NCKAP1L: variants seen among roughly 807,000 people sequenced by gnomAD.
The protein encoded by NCKAP1L is NCK associated protein 1 like.
Under a neutral mutation model 139.2 loss-of-function variants are expected in NCKAP1L, and 53 were observed. That is an observed-to-expected ratio of 0.38 (90% CI 0.31 to 0.48). The LOEUF is 0.48. Among genes scored for constraint, NCKAP1L ranks in the 20% least tolerant of loss-of-function variants. The probability of loss-of-function intolerance (pLI) is 0.98; values close to 1 mark genes in which losing one functional copy is unlikely to be tolerated. For missense variants in NCKAP1L, 1,151 were observed against 1,381.9 expected, an observed-to-expected ratio of 0.83 and a Z score of 2.65; for synonymous variants, 468 against 499.7, an observed-to-expected ratio of 0.94 and a Z score of 0.85.
At chr12:54,506,680 A>G (rs1592337605) in intron 3 of NCKAP1L, among the ~76,000 whole-genome samples, 1 of 147,396 alleles carries the variant, frequency 6.8e-6, no homozygotes, top group Admixed American at 6.8e-5. Context: ...TGAACCTCCC[A>G]CCTCAGCCTT....
rs1956974125 is a variant in NCKAP1L at position 54,520,612 on chromosome 12, T to C, written c.1626-82T>C. 6.1e-6 allele frequency: 9 copies of C among 1,465,302 alleles called. No individual in the cohort carries two copies. The African/African-American group carries it at 1.1e-4, about 18-fold the overall frequency. 90.8% of individuals were successfully genotyped at this position (1,465,302 alleles called of 1,614,324 possible). On this transcript the variant is annotated intron_variant, in intron 16 of 30. Coordinates refer to ENST00000293373, the MANE Select transcript of NCKAP1L (RefSeq NM_005337.5). ...CAAAGGGACTAGCTCTTAAACTCTA[T>C]TTTTCTTTTCCTTTATTTTTCACTC...
At chr12:54,513,981 T>TGTGTGA (rs1420786822) in intron 9 of NCKAP1L, among the ~76,000 whole-genome samples, 2 of 151,778 alleles carry the variant, frequency 1.3e-5, no homozygotes, top group Non-Finnish European at 2.9e-5. Flanking sequence ...TGTGTGTGTG[T>TGTGTGA]GTGTGTGTGT....
rs1483005604 is a variant in NCKAP1L, at chr12:54,517,816, G to C, written c.1216G>C (p.Glu406Gln). Reference protein sequence around the residue: ...PEDYADSSIAELLFLLEGIRS... With the variant: ...PEDYADSSIAQLLFLLEGIRS... ...TCCTAAACTTTATAGGAGCATTGCA[G>C]AGCTACTTTTCTTGTTGGAGGGGAT... is the stretch of plus-strand genomic sequence containing the variant. Residue 406 changes from glutamate to glutamine, a missense_variant, in exon 13 of 31, where the codon GAG (glutamate) becomes CAG (glutamine). Physicochemically the swap from Glu to Gln is conservative, Grantham distance 29. Coordinates refer to ENST00000293373, the MANE Select transcript of NCKAP1L (RefSeq NM_005337.5). The C allele has an allele frequency of 6.2e-7, 1 of 1,614,140 alleles. No individual in the cohort carries two copies. The highest frequency in any genetic ancestry group is 8.5e-7 in the Non-Finnish European group (1 of 1,180,024).
At chr12:54,522,711 GA>G (rs1956993917) in intron 18 of NCKAP1L, among the ~76,000 whole-genome samples, 1 of 152,190 alleles carries the variant, frequency 6.6e-6, no homozygotes, top group African/African-American at 2.4e-5. Context: ...CTCTCAGAGT[GA>G]TTTCAACTGA....
At chr12:54,535,575 C>G (rs1957108366) in intron 27 of NCKAP1L, among the ~76,000 whole-genome samples, 1 of 152,206 alleles carries the variant, frequency 6.6e-6, no homozygotes, top group Non-Finnish European at 1.5e-5. Flanking sequence ...GGTATAGCAC[C>G]CAAACTCCCC....
intron 3 of NCKAP1L, among the ~76,000 whole-genome samples, 171 bp from the exon 4 acceptor site, chr12:54,507,682 C>G (rs1956853899): frequency 6.6e-6 from 1 of 152,170 alleles, no homozygotes; most frequent in Non-Finnish European, 1.5e-5. Context: ...TAGGGGCCCA[C>G]TGGTGGCTTA....
At position 54,508,337 on chromosome 12, in the gene NCKAP1L, T is replaced by C. The variant is rs1033295316; in HGVS notation, c.364-52T>C. The C allele has an allele frequency of 1.7e-5, 27 of 1,592,726 alleles. No individual in the cohort carries two copies. In the African/African-American group the frequency reaches 3.5e-4, roughly 21 times the overall value. ...CAGAGTGGTTGGGGAAAGAAGGAGA[T>C]CCAGGTTAATTGGCCATGCTGTCCT... On this transcript the variant is annotated intron_variant, in intron 4 of 30. Coordinates refer to ENST00000293373, the MANE Select transcript of NCKAP1L (RefSeq NM_005337.5).
chr12:54,521,201 T>G lies in NCKAP1L; in HGVS notation c.1841T>G (p.Leu614Arg), dbSNP rs1221146309. 1.1e-5 allele frequency: 18 copies of G among 1,614,128 alleles called. No homozygotes were observed. The highest frequency in any genetic ancestry group is 1.3e-5 in the Non-Finnish European group (15 of 1,180,006). ...GCCAAGCAGACCAGCAATTGCGTCC[T>G]GGAGATCTGTGCTGAGCAGCGAAAC... ...ELAKQTSNCV[L>R]EICAEQRNLS... Residue 614 changes from leucine (L) to arginine (R), a missense_variant, in exon 18 of 31, where the codon CTG becomes CGG. Leu to Arg is a moderately radical substitution (Grantham distance 102, BLOSUM62 -2). Transcript: ENST00000293373.
chr12:54,497,968 C>G, intron 1 of NCKAP1L, 77 bp downstream of exon 1: 3 of 852,128 alleles, frequency 3.5e-6, no homozygotes, highest in Non-Finnish European at 6.0e-6. Flanking sequence ...GCAGGTGCAG[C>G]AGTTAGACTC....
chr12:54,512,772 G>A (rs1279142446), intron 9 of NCKAP1L, among the ~76,000 whole-genome samples: 2 of 150,768 alleles, frequency 1.3e-5, no homozygotes, highest in African/African-American at 4.9e-5. Context: ...GTATGTGTGT[G>A]TGTGTGTGTG....
intron 22 of NCKAP1L, among the ~76,000 whole-genome samples, chr12:54,529,035 TG>T (rs1957047806): frequency 6.6e-6 from 1 of 152,242 alleles, no homozygotes; most frequent in Non-Finnish European, 1.5e-5. Context: ...ACATTTATTG[TG>T]GGCTAAGTTC....
rs2120970828 is a variant in NCKAP1L at position 54,536,199 on chromosome 12, A to G, written c.3027A>G (p.Pro1009=). 1 of 1,612,944 alleles carries G rather than the reference A, an allele frequency of 6.2e-7. No homozygotes were observed. Among genetic ancestry groups the G allele is most frequent in the Non-Finnish European group, 8.5e-7 (1 of 1,179,632 alleles). ...LLLIFLAVSL[P]LLATDPSSFY... ...TGATCTTTCTGGCAGTTTCCCTCCC[A>G]CTCCTTGCCACTGACCCTTCTTCCT... Residue 1009 remains proline, a synonymous_variant, in exon 28 of 31, where the codon CCA becomes CCG. Coordinates refer to ENST00000293373, the MANE Select transcript of NCKAP1L (RefSeq NM_005337.5).
intron 3 of NCKAP1L, among the ~76,000 whole-genome samples, chr12:54,504,155 G>A (rs999094037): frequency 6.6e-5 from 10 of 151,992 alleles, no homozygotes; most frequent in South Asian, 2.1e-4. Flanking sequence ...TAAACTTGTC[G>A]GTATTTTCTA....
Position 54,508,640 on chromosome 12 carries a change from A to G in NCKAP1L, c.506+109A>G, listed in dbSNP as rs1173382505. ...GCCATGATTTCTTATATGAGAACCTATAATCTACATTGACCCAGGCAAAAT... is the reference window on the plus strand; with the variant it reads ...GCCATGATTTCTTATATGAGAACCTGTAATCTACATTGACCCAGGCAAAAT... On this transcript the variant is annotated intron_variant, in intron 5 of 30. Coordinates refer to ENST00000293373, the MANE Select transcript of NCKAP1L (RefSeq NM_005337.5). The G allele has an allele frequency of 6.1e-6, 7 of 1,150,790 alleles. No individual in the cohort carries two copies. The East Asian group carries it at 9.5e-5, about 16-fold the overall frequency. 71.3% of individuals were successfully genotyped at this position (1,150,790 alleles called of 1,614,324 possible). A position where few individuals can be genotyped will look rare whatever the true frequency, so the allele number is the denominator to read the frequency against.
chr12:54,510,776 C>A (rs1326293052), intron 7 of NCKAP1L, among the ~76,000 whole-genome samples: 2 of 151,760 alleles, frequency 1.3e-5, no homozygotes, highest in African/African-American at 4.8e-5. Context: ...TGTGCCTTGG[C>A]CTCCCAAAGT....
At chr12:54,538,029 TC>T (rs1957126353) in intron 29 of NCKAP1L, among the ~76,000 whole-genome samples, 1 of 152,150 alleles carries the variant, frequency 6.6e-6, no homozygotes, top group Non-Finnish European at 1.5e-5. Flanking sequence ...CATGGTCCAT[TC>T]CCCTCTGCCT....
At chr12:54,503,997 T>C (rs1956822607) in intron 3 of NCKAP1L, among the ~76,000 whole-genome samples, 1 of 152,156 alleles carries the variant, frequency 6.6e-6, no homozygotes, top group African/African-American at 2.4e-5. Flanking sequence ...TGTTGTTTAA[T>C]GTAAAAGCAA....
At position 54,520,781 on chromosome 12, in the gene NCKAP1L, T is replaced by C. The variant is rs756397860; in HGVS notation, c.1713T>C (p.Ile571=). Residue 571 remains isoleucine, a synonymous_variant, in exon 17 of 31, where the codon ATT becomes ATC. Coordinates refer to ENST00000293373, the MANE Select transcript of NCKAP1L (RefSeq NM_005337.5). The stretch of plus-strand genomic sequence containing the variant: ...GTTATGCCATTGCTTTCCCCCTGAT[T>C]TGTGCTCACTTTGTCCACTGCACTC... The part of the protein sequence containing the change: ...MLRYAIAFPL[I]CAHFVHCTHE... 1 of 1,614,118 alleles carries C rather than the reference T, an allele frequency of 6.2e-7. No homozygotes were observed. The highest frequency in any genetic ancestry group is 8.5e-7 in the Non-Finnish European group (1 of 1,180,024).
rs1957083892 is a variant in NCKAP1L, at chr12:54,532,841, GT to G, written c.2862+592del. 2.0e-5 allele frequency among the ~76,000 whole-genome samples: 3 copies of G among 152,134 alleles called. No homozygotes were observed. In the South Asian group the frequency reaches 6.2e-4, roughly 31 times the overall value. On this transcript the variant is annotated intron_variant, in intron 26 of 30. Transcript: ENST00000293373. ...CCATCTCCCACCTTTGAGTCATCTTGTCTTTTGAATCATCTGGAACTAAGAA... is the reference window on the plus strand; with the variant it reads ...CCATCTCCCACCTTTGAGTCATCTTGCTTTTGAATCATCTGGAACTAAGAA...
Sources: allele counts gnomAD v4.1 joint callset (sites outside exome capture counted in the v4.1 genomes callset), GRCh38; gene constraint gnomAD v4.1.1; transcripts MANE v1.5; gene names NCBI Gene and HGNC (gene_info 2026-07-23, HGNC 2026-07-21).